The following ATP8B4 variants were observed in gnomAD, a reference collection of about 807,000 sequenced individuals.
ATP8B4 encodes the protein ATPase phospholipid transporting 8B4 (putative).
A neutral mutation model predicts 145.6 loss-of-function variants in ATP8B4; 133 were observed. The ratio of observed to expected loss-of-function variants is 0.91; its 90% CI spans 0.79 to 1.05. The LOEUF (loss-of-function observed/expected upper bound fraction) is 1.05, where lower values mean the gene tolerates loss of function less well. Ranked by LOEUF, ATP8B4 falls within the 50% of genes least tolerant of loss-of-function variation. The probability of loss-of-function intolerance (pLI) is 0.00; values close to 1 mark genes in which losing one functional copy is unlikely to be tolerated. For synonymous variants in ATP8B4, 507 were observed against 492.9 expected (o/e 1.03, Z -0.38); for missense variants, 1,458 against 1,425.2 (o/e 1.02, Z -0.37).
chr15:50,061,460 AT>A (rs1189614686), intron 3 of ATP8B4, among the ~76,000 whole-genome samples: 4 of 152,234 alleles, frequency 2.6e-5, no homozygotes, highest in African/African-American at 9.6e-5. Context: ...GGTTTCAGGA[AT>A]TTAGTAATAA....
chr15:49,945,921 T>G (rs959418810), intron 14 of ATP8B4, among the ~76,000 whole-genome samples: 1 of 152,200 alleles, frequency 6.6e-6, no homozygotes, highest in Admixed American at 6.5e-5. Context: ...CTGAAAGCTT[T>G]TTCTGTAAAA....
chr15:50,067,034 T>C (rs998694131), intron 3 of ATP8B4, among the ~76,000 whole-genome samples: 1 of 152,066 alleles, frequency 6.6e-6, no homozygotes, highest in African/African-American at 2.4e-5. Flanking sequence ...CTGTCCTCTG[T>C]TCCTTCTTAA....
intron 6 of ATP8B4, among the ~76,000 whole-genome samples, chr15:50,028,493 G>GT (rs1265787115): frequency 1.1e-4 from 16 of 152,148 alleles, no homozygotes; most frequent in African/African-American, 3.9e-4. Context: ...TGCAGAGCCT[G>GT]TATACTGACA....
At position 49,947,934 on chromosome 15, in the gene ATP8B4, T is replaced by A. The variant is rs1338397035; in HGVS notation, c.1288-13752A>T. On this transcript the variant is annotated intron_variant, in intron 14 of 27. Transcript: ENST00000284509. ...GATATGCACAGGCAAAAGAAAAAAA[T>A]GGACCATTATCTTACATCTAACACA... is the stretch of plus-strand genomic sequence containing the variant. Among the ~76,000 whole-genome samples, 3 of 151,782 alleles carry A rather than the reference T, an allele frequency of 2.0e-5. No homozygotes were observed. The East Asian group carries it at 5.8e-4, about 29-fold the overall frequency.
At chr15:50,066,707 GA>G (rs1462286622) in intron 3 of ATP8B4, among the ~76,000 whole-genome samples, 10 of 152,134 alleles carry the variant, frequency 6.6e-5, no homozygotes, top group Non-Finnish European at 1.3e-4. Flanking sequence ...CAGTCAGCCT[GA>G]AAGCTTTTAT....
At chr15:50,017,991 CTT>C (rs35825862) in intron 6 of ATP8B4, among the ~76,000 whole-genome samples, 5 of 140,262 alleles carry the variant, frequency 3.6e-5, no homozygotes, top group Admixed American at 7.2e-5. Context: ...CTTTTTTTTT[CTT>C]TTTTTTTTTT....
At chr15:50,066,923 G>A (rs2053422479) in intron 3 of ATP8B4, among the ~76,000 whole-genome samples, 1 of 151,972 alleles carries the variant, frequency 6.6e-6, no homozygotes, top group Non-Finnish European at 1.5e-5. Context: ...TAACCTCATA[G>A]GCACCTACCA....
chr15:49,867,180 G>A (rs1292840104), intron 25 of ATP8B4, among the ~76,000 whole-genome samples: 1 of 152,192 alleles, frequency 6.6e-6, no homozygotes, highest in Non-Finnish European at 1.5e-5. Flanking sequence ...GAGTTCTTCA[G>A]AGAATAAAAA....
At chr15:49,869,975 T>C (rs937301369) in intron 25 of ATP8B4, among the ~76,000 whole-genome samples, 2 of 152,168 alleles carry the variant, frequency 1.3e-5, no homozygotes, top group African/African-American at 2.4e-5. Flanking sequence ...ATCCAGCAGA[T>C]TGGTAAAAAT....
intron 3 of ATP8B4, among the ~76,000 whole-genome samples, chr15:50,050,773 A>G (rs2052119758): frequency 6.6e-6 from 1 of 152,190 alleles, no homozygotes; most frequent in African/African-American, 2.4e-5. Context: ...GTTTTATTTA[A>G]CCACTTGTAA....
At chr15:49,869,810 T>C (rs1007106394) in intron 25 of ATP8B4, among the ~76,000 whole-genome samples, 1 of 152,212 alleles carries the variant, frequency 6.6e-6, no homozygotes, top group South Asian at 2.1e-4. Flanking sequence ...CTACCTAATA[T>C]GTTTTAATAA....
chr15:50,176,874 T>C (rs2140880295), intron 1 of ATP8B4, among the ~76,000 whole-genome samples: 1 of 152,338 alleles, frequency 6.6e-6, no homozygotes, highest in East Asian at 1.9e-4. Flanking sequence ...TGCTCTGTCA[T>C]GTCTAATATC....
chr15:49,954,534 C>G (rs2043386100), intron 14 of ATP8B4, among the ~76,000 whole-genome samples: 1 of 152,122 alleles, frequency 6.6e-6, no homozygotes, highest in Admixed American at 6.5e-5. Context: ...TGAACAGACA[C>G]TTCTCAAAAG....
At chr15:50,164,562 G>A (rs540142465) in intron 1 of ATP8B4, among the ~76,000 whole-genome samples, 132 of 152,254 alleles carry the variant, frequency 8.7e-4, no homozygotes, top group African/African-American at 3.1e-3. Flanking sequence ...TACTGCCTGG[G>A]GTTGAGGGAG....
At position 50,146,020 on chromosome 15, in the gene ATP8B4, T is replaced by TTTTC. The variant is rs2044271892; in HGVS notation, c.-43+36240_-43+36241insGAAA. On this transcript the variant is annotated intron_variant, in intron 1 of 3. Transcript: ENST00000558829. ...TGAACCACATAAATGTTTACTTTTT[T>TTTTC]TTTTTTTTTTGAGACGGAGTCTCAC... is the stretch of plus-strand genomic sequence containing the variant. 2.0e-5 allele frequency among the ~76,000 whole-genome samples: 3 copies of TTTTC among 149,888 alleles called. No individual in the cohort carries two copies. The East Asian group carries it at 5.8e-4, about 29-fold the overall frequency.
intron 1 of ATP8B4, among the ~76,000 whole-genome samples, chr15:50,111,658 A>G (rs1182245740): frequency 2.0e-5 from 3 of 152,160 alleles, no homozygotes; most frequent in Non-Finnish European, 2.9e-5. Flanking sequence ...TGCTTTTTCT[A>G]CTAACTCATT....
intron 1 of ATP8B4, among the ~76,000 whole-genome samples, chr15:50,134,082 A>G (rs564082427): frequency 1.8e-3 from 275 of 152,320 alleles, no homozygotes; most frequent in Middle Eastern, 6.8e-3. Context: ...AAATCATCAC[A>G]TTGTATACCT....
chr15:49,885,577 T>C (rs1223993714), intron 23 of ATP8B4, among the ~76,000 whole-genome samples: 1 of 152,202 alleles, frequency 6.6e-6, no homozygotes, highest in Non-Finnish European at 1.5e-5. Context: ...TTTACAACTT[T>C]TTAGTAAATG....
chr15:49,907,274 G>A (rs951692862), intron 20 of ATP8B4, among the ~76,000 whole-genome samples: 11 of 152,196 alleles, frequency 7.2e-5, no homozygotes, highest in African/African-American at 2.7e-4. Context: ...AGAGGTTCAA[G>A]TTCAGTTTTA....
Sources: gnomAD v4.1 joint callset for allele counts (sites outside exome capture counted in the v4.1 genomes callset) on GRCh38, gnomAD v4.1.1 for gene constraint, MANE v1.5 for transcripts, NCBI Gene and HGNC (gene_info 2026-07-23, HGNC 2026-07-21) for gene names.